Variants in RP1 observed in about 807,000 individuals in gnomAD.
RP1 encodes RP1 axonemal microtubule associated, also known as oxygen-regulated protein 1.
In RP1, 16 loss-of-function variants were observed where a neutral mutation model predicts 14.8. The ratio of observed to expected loss-of-function variants is 1.08; its 90% CI spans 0.73 to 1.65. The LOEUF (loss-of-function observed/expected upper bound fraction) is 1.65. Ranked by LOEUF, RP1 falls within the 40% of genes most tolerant of loss-of-function variation. RP1 has a pLI of 0.00. For missense variants in RP1, 2,631 were observed against 2,535.0 expected, an observed-to-expected ratio of 1.04 and a Z score of -0.81; for synonymous variants, 876 against 883.6, an observed-to-expected ratio of 0.99 and a Z score of 0.15.
intron 24 of RP1, among the ~76,000 whole-genome samples, chr8:54,827,912 G>A (rs1441258794): frequency 6.6e-6 from 1 of 150,686 alleles, no homozygotes; most frequent in African/African-American, 2.4e-5. Context: ...AAAAAAAGTA[G>A]TAATTATTTT....
intron 24 of RP1, among the ~76,000 whole-genome samples, chr8:54,817,582 T>C (rs954091202): frequency 2.0e-5 from 3 of 151,886 alleles, no homozygotes; most frequent in Admixed American, 2.0e-4. Context: ...AGACAGAAAA[T>C]GCTGATACCT....
At chr8:54,801,448 G>A (rs966130227) in intron 24 of RP1, among the ~76,000 whole-genome samples, 1 of 152,030 alleles carries the variant, frequency 6.6e-6, no homozygotes, top group African/African-American at 2.4e-5. Context: ...TTTTTTTCAT[G>A]GTGCCCTTTC....
rs769678018 is a variant in RP1 at position 54,628,806 on chromosome 8, A to T, written c.4924A>T (p.Ile1642Phe). The change falls in exon 4 of 4, where the codon ATC (isoleucine) becomes TTC (phenylalanine). Residue 1642 changes from isoleucine to phenylalanine, a missense_variant. By Grantham distance (21) the Ile-to-Phe change is conservative. Coordinates refer to ENST00000220676, the MANE Select transcript of RP1 (RefSeq NM_006269.2). ...AAAACTGTACGGTAAAGCAGATATT[A>T]TCAAACCATCTTTTTTTCCTGGGTC... is the stretch of plus-strand genomic sequence containing the variant. ...IEKLYGKADI[I>F]KPSFFPGSTR... is the part of the protein sequence containing the mutation. 64 of 1,614,040 alleles carry T rather than the reference A, an allele frequency of 4.0e-5. 1 individual carries two copies. In the South Asian group the frequency reaches 6.8e-4, roughly 17 times the overall value.
At chr8:54,567,598 A>G (rs1449471920) in intron 1 of RP1, among the ~76,000 whole-genome samples, 1 of 151,974 alleles carries the variant, frequency 6.6e-6, no homozygotes, top group African/African-American at 2.4e-5. Context: ...GCAATAAGCA[A>G]TGGGAAGCTG....
At chr8:54,572,550 G>A (rs1804546125) in intron 1 of RP1, among the ~76,000 whole-genome samples, 1 of 152,176 alleles carries the variant, frequency 6.6e-6, no homozygotes. Context: ...TGGATTATGT[G>A]GTTCTTTTCG....
At chr8:54,600,412 T>C (rs946201051) in intron 1 of RP1, among the ~76,000 whole-genome samples, 1 of 152,160 alleles carries the variant, frequency 6.6e-6, no homozygotes, top group African/African-American at 2.4e-5. Flanking sequence ...CAGGCTTCCT[T>C]TGTGGTCTCA....
In RP1 at chr8:54,627,973, G is replaced by A. The variant is rs772816194; in HGVS notation, c.4091G>A (p.Arg1364Lys). ...DNLDSTEELE[R>K]GDDIQKDLNI... is the part of the protein sequence containing the mutation. ...TTGGATTCAACTGAAGAGTTAGAAA[G>A]AGGTGATGACATTCAGAAAGATCTA... Residue 1364 changes from arginine (R) to lysine (K), a missense_variant, in exon 4 of 4, where the codon AGA becomes AAA. Coordinates refer to ENST00000220676, the MANE Select transcript of RP1 (RefSeq NM_006269.2). The A allele has an allele frequency of 6.2e-7, 1 of 1,614,092 alleles. No homozygotes were observed.
intron 1 of RP1, among the ~76,000 whole-genome samples, chr8:54,595,183 G>C (rs1489425141): frequency 6.7e-6 from 1 of 149,108 alleles, no homozygotes; most frequent in Non-Finnish European, 1.5e-5. Context: ...AGGGTGGAGT[G>C]CAGTCGCGCG....
At position 54,628,076 on chromosome 8, in the gene RP1, C is replaced by T. The variant is rs111678480; in HGVS notation, c.4194C>T (p.Ser1398=). 1.2e-6 allele frequency: 2 copies of T among 1,613,908 alleles called. No homozygotes were observed. Among genetic ancestry groups the T allele is most frequent in the African/African-American group, 1.3e-5 (1 of 74,924 alleles). ...ATCAAAATGTCAGTAATTTAAGCTC[C>T]TGTGGCCTTTGCCTAAGTGAAAAAG... ...VSHQNVSNLS[S]CGLCLSEKEA... The change falls in exon 4 of 4, where the codon TCC becomes TCT. Residue 1398 remains serine, a synonymous_variant. Coordinates refer to ENST00000220676, the MANE Select transcript of RP1 (RefSeq NM_006269.2).
intron 1 of RP1, among the ~76,000 whole-genome samples, chr8:54,607,042 C>T (rs765749000): frequency 1.3e-5 from 2 of 152,216 alleles, no homozygotes; most frequent in Admixed American, 6.5e-5. Context: ...CTTCTCTCAA[C>T]TCGTCAAAGT....
intron 27 of RP1, among the ~76,000 whole-genome samples, chr8:54,858,455 C>T (rs9886656): frequency 0.75 from 113,393 of 151,694 alleles, 42,510 homozygotes; most frequent in South Asian, 0.87. Flanking sequence ...TGGAACATTG[C>T]CACTGTAGAG....
intron 17 of RP1, among the ~76,000 whole-genome samples, chr8:54,732,902 T>C (rs1585644776): frequency 2.6e-5 from 4 of 152,208 alleles, no homozygotes; most frequent in Admixed American, 1.3e-4. Context: ...TGAAGTTTAG[T>C]TCCCTGTTAC....
chr8:54,868,841 C>T (rs910140718), intron 28 of RP1, among the ~76,000 whole-genome samples: 1 of 151,992 alleles, frequency 6.6e-6, no homozygotes, highest in Non-Finnish European at 1.5e-5. Flanking sequence ...GAAAAGGTCT[C>T]CGAGAAGGAG....
chr8:54,723,734 A>AAGAC (rs1362605887), intron 16 of RP1, among the ~76,000 whole-genome samples: 3 of 152,188 alleles, frequency 2.0e-5, no homozygotes, highest in Non-Finnish European at 4.4e-5. Flanking sequence ...GTAAGACCAC[A>AAGAC]CTGCTAGGTA....
intron 21 of RP1, among the ~76,000 whole-genome samples, chr8:54,757,085 G>GT (rs1247760983): frequency 6.6e-6 from 1 of 152,114 alleles, no homozygotes; most frequent in African/African-American, 2.4e-5. Context: ...TACATTTTCT[G>GT]TTATTTTCCT....
intron 16 of RP1, chr8:54,726,210 G>A (rs976276727): frequency 1.3e-5 from 13 of 1,004,766 alleles, no homozygotes; most frequent in African/African-American, 1.1e-4. Flanking sequence ...GTAATTCTGA[G>A]TAAAGAGATT....
chr8:54,653,876 C>G, intron 5 of RP1, among the ~76,000 whole-genome samples: 1 of 152,000 alleles, frequency 6.6e-6, no homozygotes, highest in East Asian at 1.9e-4. Context: ...GTAAGGTAAA[C>G]TAACATATGA....
At chr8:54,687,310 A>T (rs954236817) in intron 12 of RP1, among the ~76,000 whole-genome samples, 20 of 151,950 alleles carry the variant, frequency 1.3e-4, no homozygotes, top group East Asian at 5.8e-4. Flanking sequence ...CTATTTTTTT[A>T]AAAAATATTT....
intron 7 of RP1, among the ~76,000 whole-genome samples, chr8:54,670,560 T>TATAC (rs1554522885): frequency 7.1e-6 from 1 of 139,944 alleles, no homozygotes; most frequent in East Asian, 2.0e-4. Flanking sequence ...TATGTATATA[T>TATAC]ATACATATAT....
Sources: gnomAD v4.1 joint callset for allele counts (sites outside exome capture counted in the v4.1 genomes callset) on GRCh38, gnomAD v4.1.1 for gene constraint, MANE v1.5 for transcripts, NCBI Gene and HGNC (gene_info 2026-07-23, HGNC 2026-07-21) for gene names.